The following ARHGAP39 variants were observed in gnomAD, a reference collection of about 807,000 sequenced individuals.
The protein encoded by ARHGAP39 is Rho GTPase activating protein 39.
In ARHGAP39, 44 loss-of-function variants were observed where a neutral mutation model predicts 106.9. The observed-to-expected ratio is 0.41, with a 90% CI of 0.32 to 0.53. ARHGAP39 has a LOEUF of 0.53. Ranked by LOEUF, ARHGAP39 falls within the 20% of genes least tolerant of loss-of-function variation. ARHGAP39 has a pLI of 0.21. For missense variants in ARHGAP39, 1,496 were observed against 1,577.3 expected (o/e 0.95, Z 0.87); for synonymous variants, 768 against 693.2 (o/e 1.11, Z -1.69).
At chr8:144,615,204 C>T (rs1034427967) in intron 1 of ARHGAP39, among the ~76,000 whole-genome samples, 44 of 152,164 alleles carry the variant, frequency 2.9e-4, no homozygotes, top group African/African-American at 8.9e-4. Flanking sequence ...GCCTGTGGTC[C>T]CAGCTACTTG....
At chr8:144,685,112 C>A (rs946146098) in intron 1 of ARHGAP39, among the ~76,000 whole-genome samples, 2 of 151,598 alleles carry the variant, frequency 1.3e-5, no homozygotes, top group Non-Finnish European at 2.9e-5. Context: ...CCCCCTCGGG[C>A]AGGGGCACAC....
intron 3 of ARHGAP39, among the ~76,000 whole-genome samples, chr8:144,563,368 G>A (rs945259976): frequency 2.6e-5 from 4 of 151,976 alleles, no homozygotes; most frequent in Admixed American, 6.5e-5. Context: ...CTCACTTTCC[G>A]ACCACACAAA....
Position 144,556,218 on chromosome 8 carries a change from G to A in ARHGAP39, c.513-575C>T, listed in dbSNP as rs1023153386. Among the ~76,000 whole-genome samples the A allele has an allele frequency of 2.6e-5, 4 of 151,532 alleles. No individual in the cohort carries two copies. In the East Asian group the frequency reaches 7.7e-4, roughly 29 times the overall value. On this transcript the variant is annotated intron_variant, in intron 3 of 11. Transcript: ENST00000377307. ...GAGAATGGCGTGAACCCGGGAGGCG[G>A]AGCGTGCAGTGAGCCGAGATGGCGC...
chr8:144,687,417 CACACT>C, upstream of ARHGAP39, among the ~76,000 whole-genome samples: 1 of 4,334 alleles, frequency 2.3e-4, no homozygotes, highest in Non-Finnish European at 4.7e-4. Context: ...CCCGTGACCA[CACACT>C]GGCGGTGAGC....
rs1294861189 is a variant in ARHGAP39 at position 144,670,762 on chromosome 8, C to T, written c.-82+14924G>A. Among the ~76,000 whole-genome samples the T allele has an allele frequency of 1.3e-5, 2 of 152,180 alleles. No homozygotes were observed. Among genetic ancestry groups the T allele is most frequent in the Non-Finnish European group, 2.9e-5 (2 of 68,036 alleles). ...AGCATGCTAGATTTGCTGTCACAGC[C>T]TCATCCCCGTCCTTCAGACCACACA... On this transcript the variant is annotated intron_variant, in intron 1 of 11. Transcript: ENST00000377307. This position sits in a 1 kb window ranked among gnomAD's most constrained non-coding sequence, Gnocchi z 4.4.
intron 1 of ARHGAP39, chr8:144,683,097 T>G (rs1013242714): frequency 6.6e-6 from 1 of 151,168 alleles, no homozygotes; most frequent in African/African-American, 2.4e-5. Flanking sequence ...GGGCGGATCA[T>G]GAGGTCAGGA....
chr8:144,682,029 G>A (rs1440019206), intron 1 of ARHGAP39, among the ~76,000 whole-genome samples: 1 of 152,144 alleles, frequency 6.6e-6, no homozygotes, highest in Non-Finnish European at 1.5e-5. Context: ...AGCACTTTGG[G>A]AGGCCGAGGC....
At chr8:144,571,489 AAAT>A (rs1017075979) in intron 3 of ARHGAP39, among the ~76,000 whole-genome samples, 1 of 152,230 alleles carries the variant, frequency 6.6e-6, no homozygotes, top group Non-Finnish European at 1.5e-5. Flanking sequence ...ACGTATCTCA[AAAT>A]AATAAGAGCC....
Position 144,548,117 on chromosome 8 carries a change from G to A in ARHGAP39, c.969C>T (p.Pro323=), listed in dbSNP as rs776322635. 2 of 1,583,326 alleles carry A rather than the reference G, an allele frequency of 1.3e-6. No homozygotes were observed. Among genetic ancestry groups the A allele is most frequent in the East Asian group, 4.5e-5 (2 of 44,472 alleles). ...YEEPPVEYQA[P]IYDEPPMDVQ... is the part of the protein sequence containing the mutation. Reference sequence around the variant, plus strand: ...CGTCCATGGGGGGCTCATCGTAGATGGGGGCCTGGTACTCCACTGGGGGCT... The same window carrying A: ...CGTCCATGGGGGGCTCATCGTAGATAGGGGCCTGGTACTCCACTGGGGGCT... Residue 323 remains proline (P), a synonymous_variant, in exon 5 of 12, where the codon CCC becomes CCT. Transcript: ENST00000377307. The surrounding 1 kb of genome is among the most constrained non-coding windows in gnomAD (Gnocchi z 7.4).
rs980706583 is a variant in ARHGAP39 at position 144,547,464 on chromosome 8, C to A, written c.1622G>T (p.Gly541Val). 1.9e-6 allele frequency: 3 copies of A among 1,554,150 alleles called. No individual in the cohort carries two copies. Among genetic ancestry groups the A allele is most frequent in the Admixed American group, 1.8e-5 (1 of 54,678 alleles). ...CGCGCCCCGCGCCCCTTCGGCCTCACCTTCCGCTCGCTTCACGGGGGCGAG... is the reference window on the plus strand; with the variant it reads ...CGCGCCCCGCGCCCCTTCGGCCTCAACTTCCGCTCGCTTCACGGGGGCGAG... ...TSLAPVKRAE[G>V]EAEGARGAAE... Residue 541 changes from glycine (G) to valine (V), a missense_variant, in exon 5 of 12, where the codon GGT becomes GTT. Coordinates refer to ENST00000377307, the MANE Select transcript of ARHGAP39 (RefSeq NM_025251.3). This position sits in a 1 kb window ranked among gnomAD's most constrained non-coding sequence, Gnocchi z 5.2.
chr8:144,632,730 C>T (rs1821093945), intron 1 of ARHGAP39, among the ~76,000 whole-genome samples: 1 of 152,240 alleles, frequency 6.6e-6, no homozygotes, highest in Admixed American at 6.5e-5. Context: ...AGACAATTGC[C>T]CTGAGCCTGA....
intron 3 of ARHGAP39, among the ~76,000 whole-genome samples, chr8:144,556,950 C>G: frequency 7.0e-6 from 1 of 143,322 alleles, no homozygotes; most frequent in African/African-American, 2.9e-5. Context: ...AAGGCTGAAC[C>G]TTCATAGTAT....
Position 144,679,458 on chromosome 8 carries a change from A to G in ARHGAP39, c.-82+6228T>C, listed in dbSNP as rs1822332935. On this transcript the variant is annotated intron_variant, in intron 1 of 11. Coordinates refer to ENST00000377307, the MANE Select transcript of ARHGAP39 (RefSeq NM_025251.3). The surrounding 1 kb of genome is among the most constrained non-coding windows in gnomAD (Gnocchi z 4.7). ...ATGAAGACTCTTGGAAAAGAGTCAC[A>G]AGCAAACGAAACGCGGGCAGGAATC... is the stretch of plus-strand genomic sequence containing the variant. Among the ~76,000 whole-genome samples the G allele has an allele frequency of 1.3e-5, 2 of 152,232 alleles. No individual in the cohort carries two copies. The highest frequency in any genetic ancestry group is 4.8e-5 in the African/African-American group (2 of 41,466).
At chr8:144,532,986 C>T (rs1219521972) in intron 9 of ARHGAP39, 140 bp downstream of exon 9, 3 of 1,064,556 alleles carry the variant, frequency 2.8e-6, no homozygotes, top group African/African-American at 1.6e-5. Context: ...ACACTGTGGC[C>T]CCACCCTTCC....
At chr8:144,588,914 C>T (rs1016829998) in intron 2 of ARHGAP39, among the ~76,000 whole-genome samples, 13 of 152,256 alleles carry the variant, frequency 8.5e-5, no homozygotes, top group East Asian at 5.8e-4. Context: ...ACGCCGGGCC[C>T]GCCCTCCTCC....
intron 1 of ARHGAP39, among the ~76,000 whole-genome samples, chr8:144,611,569 C>T (rs554520686): frequency 4.1e-4 from 63 of 152,342 alleles, no homozygotes; most frequent in Non-Finnish European, 7.3e-4. Flanking sequence ...GATGAATGAA[C>T]TCTTTTATCA....
chr8:144,563,795 A>AT (rs1425807213), intron 3 of ARHGAP39, among the ~76,000 whole-genome samples: 1 of 151,926 alleles, frequency 6.6e-6, no homozygotes, highest in Non-Finnish European at 1.5e-5. Context: ...TATCTAAAAA[A>AT]AATAATAATA....
chr8:144,550,117 T>C (rs1240533079), intron 4 of ARHGAP39, among the ~76,000 whole-genome samples: 1 of 149,316 alleles, frequency 6.7e-6, no homozygotes, highest in Non-Finnish European at 1.5e-5. Context: ...TACAAAAACA[T>C]AAACCAATTA....
At chr8:144,654,375 G>C (rs1056662194) in intron 1 of ARHGAP39, among the ~76,000 whole-genome samples, 1 of 151,724 alleles carries the variant, frequency 6.6e-6, no homozygotes, top group African/African-American at 2.4e-5. Context: ...CATGGTGGCA[G>C]GTGCTTGGAG....
Sources: gnomAD v4.1 joint callset for allele counts (sites outside exome capture counted in the v4.1 genomes callset) on GRCh38, gnomAD v4.1.1 for gene constraint, Gnocchi (gnomAD v3.1) non-coding constraint, MANE v1.5 for transcripts, NCBI Gene and HGNC (gene_info 2026-07-23, HGNC 2026-07-21) for gene names.